Variants in KIF26B observed in about 807,000 individuals in gnomAD.
KIF26B encodes the protein kinesin family member 26B, also known as kinesin-like protein KIF26B.
KIF26B carries 63 observed loss-of-function variants against 151.2 expected under a neutral mutation model. The ratio of observed to expected loss-of-function variants is 0.42; its 90% CI spans 0.34 to 0.51. The LOEUF (loss-of-function observed/expected upper bound fraction) is 0.51. KIF26B is among the 20% of genes least tolerant of loss of function. The probability of loss-of-function intolerance (pLI) is 0.07; values close to 1 mark genes in which losing one functional copy is unlikely to be tolerated. For missense variants in KIF26B, 2,813 were observed against 2,913.6 expected (o/e 0.97, Z 0.79); for synonymous variants, 1,357 against 1,262.1 (o/e 1.08, Z -1.59).
rs545903763 is a variant in KIF26B at position 245,455,266 on chromosome 1, G to C, written c.1166+35521G>C. 2.0e-5 allele frequency among the ~76,000 whole-genome samples: 3 copies of C among 152,288 alleles called. No homozygotes were observed. In the South Asian group the frequency reaches 6.2e-4, roughly 32 times the overall value. On this transcript the variant is annotated intron_variant, in intron 4 of 14. Transcript: ENST00000407071. ...CACGCCCGTAATCCGAGCACTTTGG[G>C]AGGCTGAGGCGGGCAGATCACGAGG...
intron 5 of KIF26B, among the ~76,000 whole-genome samples, chr1:245,584,673 T>C (rs1337006915): frequency 6.6e-6 from 1 of 152,090 alleles, no homozygotes; most frequent in African/African-American, 2.4e-5. Context: ...ATAGGAAGAG[T>C]TGGTTTGGAT....
chr1:245,236,798 G>A (rs891536720), intron 2 of KIF26B, among the ~76,000 whole-genome samples: 2 of 152,222 alleles, frequency 1.3e-5, no homozygotes, highest in African/African-American at 4.8e-5. Context: ...AGCCCCGTGG[G>A]GGCTGGGATT....
intron 4 of KIF26B, among the ~76,000 whole-genome samples, chr1:245,522,791 G>A (rs1045292389): frequency 3.9e-5 from 6 of 152,162 alleles, no homozygotes; most frequent in Admixed American, 3.9e-4. Flanking sequence ...GTGTCGACAG[G>A]GTCTGGGGGA....
intron 2 of KIF26B, among the ~76,000 whole-genome samples, chr1:245,254,051 T>C (rs570258171): frequency 5.5e-4 from 84 of 152,048 alleles, no homozygotes; most frequent in East Asian, 1.7e-3. Context: ...ACCTCGTAAT[T>C]TGCCCGCCTC....
Position 245,368,089 on chromosome 1 carries a change from C to A in KIF26B, c.999+722C>A, listed in dbSNP as rs193182606. Among the ~76,000 whole-genome samples the A allele has an allele frequency of 1.5e-3, 230 of 152,324 alleles. 1 individual carries two copies. Among genetic ancestry groups the A allele is most frequent in the South Asian group, 3.3e-3 (16 of 4,828 alleles). On this transcript the variant is annotated intron_variant, in intron 3 of 14. Transcript: ENST00000407071. ...CGTGTTGGCACTCTGCCTTCCCTGT[C>A]TATACCTTCCAAAAGAGGTGTAGAT...
Position 245,686,663 on chromosome 1 carries a change from G to A in KIF26B, c.3680G>A (p.Arg1227Gln), listed in dbSNP as rs776828672. 14 of 1,611,366 alleles carry A rather than the reference G, an allele frequency of 8.7e-6. No individual in the cohort carries two copies. Among genetic ancestry groups the A allele is most frequent in the Admixed American group, 1.7e-5 (1 of 59,756 alleles). The change falls in exon 12 of 15, where the codon CGG (arginine) becomes CAG (glutamine). Residue 1227 changes from arginine to glutamine, a missense_variant. Coordinates refer to ENST00000407071, the MANE Select transcript of KIF26B (RefSeq NM_018012.4). This position sits in a 1 kb window ranked among gnomAD's most constrained non-coding sequence, Gnocchi z 5.6. ...GCACGGGCCCTGGCCTCGGGCTCGCGGCCCGTCAGCATCATCAGCAGCATC... is the reference window on the plus strand; with the variant it reads ...GCACGGGCCCTGGCCTCGGGCTCGCAGCCCGTCAGCATCATCAGCAGCATC... ...CSARALASGS[R>Q]PVSIISSISE... is the part of the protein sequence containing the mutation.
intron 2 of KIF26B, among the ~76,000 whole-genome samples, chr1:245,316,155 A>T (rs1285068815): frequency 6.2e-5 from 9 of 145,886 alleles, no homozygotes; most frequent in African/African-American, 2.0e-4. Context: ...TTTTTTTTTT[A>T]GATGGAGTTT....
rs908376477 is a variant in KIF26B, at chr1:245,296,313, G to A, written c.466-70521G>A. 4.6e-5 allele frequency among the ~76,000 whole-genome samples: 7 copies of A among 151,978 alleles called. No homozygotes were observed. In the East Asian group the frequency reaches 5.8e-4, roughly 13 times the overall value. On this transcript the variant is annotated intron_variant, in intron 2 of 14. Coordinates refer to ENST00000407071, the MANE Select transcript of KIF26B (RefSeq NM_018012.4). ...TTAACTGAAGTCTGTCTTCTCACAG[G>A]TTCTGTGCTGAAGAACCATCTCACT... is the stretch of plus-strand genomic sequence containing the variant.
intron 9 of KIF26B, among the ~76,000 whole-genome samples, chr1:245,612,768 G>T (rs370960957): frequency 6.6e-6 from 1 of 152,098 alleles, no homozygotes; most frequent in African/African-American, 2.4e-5. Context: ...CCAGACCCTG[G>T]CTGCCTCCCT....
intron 9 of KIF26B, among the ~76,000 whole-genome samples, chr1:245,639,428 G>A (rs2103179306): frequency 6.6e-6 from 1 of 151,560 alleles, no homozygotes; most frequent in East Asian, 1.9e-4. Context: ...TTTTTATTTT[G>A]TTGGGGTTTT....
chr1:245,279,908 A>G (rs907133431), intron 2 of KIF26B, among the ~76,000 whole-genome samples: 4 of 151,936 alleles, frequency 2.6e-5, no homozygotes, highest in Non-Finnish European at 5.9e-5. Context: ...CTTTAGCTTC[A>G]TTGATTTGGC....
intron 2 of KIF26B, among the ~76,000 whole-genome samples, chr1:245,172,341 G>A (rs6656693): frequency 0.4 from 60,496 of 151,922 alleles, 14,356 homozygotes; most frequent in African/African-American, 0.67. Context: ...CCTAAGAAGT[G>A]TCATGGCTGG....
Position 245,156,414 on chromosome 1 carries a change from T to A in KIF26B, c.196T>A (p.Ser66Thr). The A allele has an allele frequency of 6.5e-7, 1 of 1,532,572 alleles. No homozygotes were observed. Among genetic ancestry groups the A allele is most frequent in the South Asian group, 1.2e-5 (1 of 83,182 alleles). 94.9% of individuals were successfully genotyped at this position (1,532,572 alleles called of 1,614,324 possible). The change falls in exon 2 of 15, where the codon TCG (serine) becomes ACG (threonine). Residue 66 changes from serine (S) to threonine (T), a missense_variant. Ser to Thr is a moderately conservative substitution (Grantham distance 58). Coordinates refer to ENST00000407071, the MANE Select transcript of KIF26B (RefSeq NM_018012.4). ...GGGCGCGGGCTCAGCGCTCGGCTCCTCGGGGACCCCGTCTCCCGGCTCGGG... is the reference window on the plus strand; with the variant it reads ...GGGCGCGGGCTCAGCGCTCGGCTCCACGGGGACCCCGTCTCCCGGCTCGGG... Reference protein sequence around the residue: ...PEGAGSALGSSGTPSPGSGTS... With the variant: ...PEGAGSALGSTGTPSPGSGTS...
intron 2 of KIF26B, among the ~76,000 whole-genome samples, chr1:245,205,358 A>G (rs967184462): frequency 1.3e-5 from 2 of 152,200 alleles, no homozygotes; most frequent in African/African-American, 4.8e-5. Flanking sequence ...GTGTATGGAA[A>G]GTATACTAAT....
At chr1:245,635,098 GT>G (rs55861540) in intron 9 of KIF26B, among the ~76,000 whole-genome samples, 1,951 of 133,056 alleles carry the variant, frequency 0.015, 27 homozygotes, top group African/African-American at 0.04. Context: ...AGGTTTTTGT[GT>G]TTTTTTTTTT....
chr1:245,357,951 C>G (rs968611309), intron 2 of KIF26B, among the ~76,000 whole-genome samples: 1 of 152,176 alleles, frequency 6.6e-6, no homozygotes, highest in Non-Finnish European at 1.5e-5. Flanking sequence ...TGGTCTCGCT[C>G]TGCTGCCCAG....
At chr1:245,555,395 C>T (rs1661995382) in intron 5 of KIF26B, among the ~76,000 whole-genome samples, 1 of 152,146 alleles carries the variant, frequency 6.6e-6, no homozygotes, top group Non-Finnish European at 1.5e-5. Context: ...TGTGCTTCTT[C>T]TCACATTTTG....
At chr1:245,576,258 G>A (rs541871811) in intron 5 of KIF26B, among the ~76,000 whole-genome samples, 11 of 152,270 alleles carry the variant, frequency 7.2e-5, no homozygotes, top group Non-Finnish European at 1.0e-4. Flanking sequence ...GGGACGCAGC[G>A]TTCCCATTCC....
intron 10 of KIF26B, among the ~76,000 whole-genome samples, chr1:245,650,811 C>T (rs2044006432): frequency 6.6e-6 from 1 of 152,216 alleles, no homozygotes; most frequent in South Asian, 2.1e-4. Context: ...CTGTGGCCCT[C>T]TCATGTCATG....
Sources: allele counts gnomAD v4.1 joint callset (sites outside exome capture counted in the v4.1 genomes callset), GRCh38; gene constraint gnomAD v4.1.1; non-coding constraint Gnocchi (gnomAD v3.1); transcripts MANE v1.5; gene names NCBI Gene and HGNC (gene_info 2026-07-23, HGNC 2026-07-21).